Variants in DYNC1H1 observed in about 807,000 individuals in gnomAD.
DYNC1H1 encodes the protein cytoplasmic dynein 1 heavy chain 1.
DYNC1H1 carries 51 observed loss-of-function variants against 527.1 expected under a neutral mutation model. The observed-to-expected ratio is 0.10, with a 90% CI of 0.08 to 0.12. DYNC1H1 has a LOEUF of 0.12. Ranked by LOEUF, DYNC1H1 falls within the 10% of genes least tolerant of loss-of-function variation. The pLI is 1.00. For synonymous variants in DYNC1H1, 2,189 were observed against 2,278.8 expected, an observed-to-expected ratio of 0.96 and a Z score of 1.12; for missense variants, 2,771 against 5,971.8, an observed-to-expected ratio of 0.46 and a Z score of 17.66.
At position 102,001,094 on chromosome 14, in the gene DYNC1H1, T is replaced by C; in HGVS notation, c.4185+30T>C. 1 of 1,613,798 alleles carries C rather than the reference T, an allele frequency of 6.2e-7. No individual in the cohort carries two copies. The highest frequency in any genetic ancestry group is 2.2e-5 in the East Asian group (1 of 44,892). On this transcript the variant is annotated intron_variant, in intron 19 of 77. Coordinates refer to ENST00000360184, the MANE Select transcript of DYNC1H1 (RefSeq NM_001376.5). This position sits in a 1 kb window ranked among gnomAD's most constrained non-coding sequence, Gnocchi z 5.0. ...GTGGCCAGTATCGCACGGTGATGAG[T>C]GTCCATTAGAAACGCACCTGCACAG... is the stretch of plus-strand genomic sequence containing the variant.
At position 102,052,517 on chromosome 14, in the gene DYNC1H1, G is replaced by A. The variant is rs565482329; in HGVS notation, c.*1954G>A. 11 of 152,342 alleles carry A rather than the reference G, an allele frequency of 7.2e-5. No homozygotes were observed. The highest frequency in any genetic ancestry group is 1.5e-4 in the Non-Finnish European group (10 of 68,140). 9.4% of individuals were successfully genotyped at this position (152,342 alleles called of 1,614,324 possible). ...GGGCTGGGACCCCTTCCTGGACTGA[G>A]TCTGCTCACCTTGGATTAGGCCACC... On this transcript the variant is annotated 3_prime_UTR_variant, in exon 78 of 78. Coordinates refer to ENST00000360184, the MANE Select transcript of DYNC1H1 (RefSeq NM_001376.5).
In DYNC1H1 at chr14:101,985,417, C is replaced by T. The variant is rs1248362673; in HGVS notation, c.1462-270C>T. ...TTGGCTCACTGCAACCTCTGCCTCC[C>T]GGGTTCAAGCGATTCTCCTGTCTCA... On this transcript the variant is annotated intron_variant, in intron 7 of 77. Coordinates refer to ENST00000360184, the MANE Select transcript of DYNC1H1 (RefSeq NM_001376.5). The surrounding 1 kb of genome is among the most constrained non-coding windows in gnomAD (Gnocchi z 5.9). 1.3e-5 allele frequency among the ~76,000 whole-genome samples: 2 copies of T among 151,998 alleles called. No homozygotes were observed. Among genetic ancestry groups the T allele is most frequent in the Admixed American group, 6.6e-5 (1 of 15,250 alleles).
rs969860466 is a variant in DYNC1H1, at chr14:102,039,584, A to G, written c.11595+38A>G. The G allele has an allele frequency of 1.2e-6, 2 of 1,613,572 alleles. No homozygotes were observed. The highest frequency in any genetic ancestry group is 2.2e-5 in the South Asian group (2 of 91,050). On this transcript the variant is annotated intron_variant, in intron 61 of 77. Coordinates refer to ENST00000360184, the MANE Select transcript of DYNC1H1 (RefSeq NM_001376.5). The surrounding 1 kb of genome is among the most constrained non-coding windows in gnomAD (Gnocchi z 7.0). ...CCTCAGCCGCTCCCTGGCGGGGGGG[A>G]AGCAGGGTGCTGCTTCTCTTATGGA...
At position 102,011,870 on chromosome 14, in the gene DYNC1H1, T is replaced by G; in HGVS notation, c.6619-5T>G. 1 of 1,614,036 alleles carries G rather than the reference T, an allele frequency of 6.2e-7. No individual in the cohort carries two copies. Among genetic ancestry groups the G allele is most frequent in the Non-Finnish European group, 8.5e-7 (1 of 1,180,000 alleles). Reference sequence around the variant, plus strand: ...GTCACTGTGCTGGTCTGTTGGGCCCTGCAGGTTCTCCAGCTCTATCAGATC... The same window carrying G: ...GTCACTGTGCTGGTCTGTTGGGCCCGGCAGGTTCTCCAGCTCTATCAGATC... On this transcript the variant is annotated splice_region_variant and splice_polypyrimidine_tract_variant and intron_variant, in intron 32 of 77. Coordinates refer to ENST00000360184, the MANE Select transcript of DYNC1H1 (RefSeq NM_001376.5). This position sits in a 1 kb window ranked among gnomAD's most constrained non-coding sequence, Gnocchi z 5.3.
intron 1 of DYNC1H1, chr14:101,969,394 T>A (rs1025746229): frequency 6.5e-6 from 1 of 155,020 alleles, no homozygotes; most frequent in African/African-American, 2.4e-5. Context: ...TTCAGTTTAC[T>A]GTAATCCACA....
chr14:101,965,638 CTG>C lies in DYNC1H1; in HGVS notation c.256+692_256+693del, dbSNP rs949660924. ...TATCCTGATTTTACACCTGAGGAAA[CTG>C]AGGCTCAGGTTAAGTGATTTCACCC... On this transcript the variant is annotated intron_variant, in intron 1 of 77. Transcript: ENST00000360184. The surrounding 1 kb of genome is among the most constrained non-coding windows in gnomAD (Gnocchi z 4.1). Among the ~76,000 whole-genome samples, 4 of 152,056 alleles carry C rather than the reference CTG, an allele frequency of 2.6e-5. No homozygotes were observed. The highest frequency in any genetic ancestry group is 5.9e-5 in the Non-Finnish European group (4 of 68,022).
At chr14:102,021,650 CTTTTTCTT>C (rs2048385722) in intron 42 of DYNC1H1, among the ~76,000 whole-genome samples, 1 of 127,686 alleles carries the variant, frequency 7.8e-6, no homozygotes, top group Non-Finnish European at 1.6e-5. Flanking sequence ...TTTCTTTTTT[CTTTTTCTT>C]TTTTTTTTTT....
At position 102,041,551 on chromosome 14, in the gene DYNC1H1, C is replaced by A; in HGVS notation, c.11942-23C>A. Reference sequence around the variant, plus strand: ...CTGAGTCCATGCTTCCACCCAGCACCCACCCCTCTGTACCTGTTTCAGCAC... The same window carrying A: ...CTGAGTCCATGCTTCCACCCAGCACACACCCCTCTGTACCTGTTTCAGCAC... On this transcript the variant is annotated intron_variant, in intron 64 of 77. Coordinates refer to ENST00000360184, the MANE Select transcript of DYNC1H1 (RefSeq NM_001376.5). The surrounding 1 kb of genome is among the most constrained non-coding windows in gnomAD (Gnocchi z 4.5). 1.2e-6 allele frequency: 2 copies of A among 1,613,658 alleles called. No individual in the cohort carries two copies. The highest frequency in any genetic ancestry group is 1.7e-6 in the Non-Finnish European group (2 of 1,180,022).
intron 23 of DYNC1H1, among the ~76,000 whole-genome samples, chr14:102,004,087 A>C (rs1462387965): frequency 1.3e-5 from 2 of 150,216 alleles, no homozygotes; most frequent in Non-Finnish European, 3.0e-5. Context: ...TAAAAATACA[A>C]AAAAAAATTA....
At position 102,044,061 on chromosome 14, in the gene DYNC1H1, G is replaced by C. The variant is rs763549678; in HGVS notation, c.12684+16G>C. The C allele has an allele frequency of 6.0e-5, 96 of 1,612,972 alleles. No homozygotes were observed. The highest frequency in any genetic ancestry group is 7.7e-5 in the Non-Finnish European group (91 of 1,180,026). On this transcript the variant is annotated intron_variant, in intron 70 of 77. Coordinates refer to ENST00000360184, the MANE Select transcript of DYNC1H1 (RefSeq NM_001376.5). The surrounding 1 kb of genome is among the most constrained non-coding windows in gnomAD (Gnocchi z 7.1). ...CACGGCCAAGGCAAGTGTGGGCCAT[G>C]CCAGGACAGACAGTGGACGTGTATC... is the stretch of plus-strand genomic sequence containing the variant.
intron 16 of DYNC1H1, among the ~76,000 whole-genome samples, chr14:101,999,124 T>C (rs1595607779): frequency 6.6e-6 from 1 of 152,200 alleles, no homozygotes; most frequent in South Asian, 2.1e-4. Context: ...CCTCATGATC[T>C]GCCCACCTTG....
chr14:102,048,298 C>T (rs751186963), intron 73 of DYNC1H1: 39 of 733,094 alleles, frequency 5.3e-5, no homozygotes, highest in Non-Finnish European at 7.6e-5. Context: ...TAGAGAGCCC[C>T]GAGAGCTGCG....
chr14:101,974,685 C>T (rs1436587598), intron 1 of DYNC1H1, among the ~76,000 whole-genome samples: 2 of 152,092 alleles, frequency 1.3e-5, no homozygotes, highest in African/African-American at 4.8e-5. Flanking sequence ...TTCCAGTAAG[C>T]TTTTTTAAAC....
At position 102,018,458 on chromosome 14, in the gene DYNC1H1, C is replaced by T. The variant is rs2048350237; in HGVS notation, c.8185C>T (p.Arg2729Cys). 3 of 1,613,446 alleles carry T rather than the reference C, an allele frequency of 1.9e-6. No individual in the cohort carries two copies. Among genetic ancestry groups the T allele is most frequent in the East Asian group, 2.2e-5 (1 of 44,874 alleles). ...GGGGCTATCTGTGCACAGGTTCCTG[C>T]GCCACGTGCCTGTCGTGTATGTGGA... ...GRKPLSHRFLRHVPVVYVDYP... is the reference protein window; with the variant it reads ...GRKPLSHRFLCHVPVVYVDYP... The change falls in exon 41 of 78, where the codon CGC (arginine) becomes TGC (cysteine). Residue 2729 changes from arginine (R) to cysteine (C), a missense_variant. This residue lies in a region of DYNC1H1 where 163 missense variants were observed against 346.9 expected (regional missense o/e 0.47). Transcript: ENST00000360184. This position sits in a 1 kb window ranked among gnomAD's most constrained non-coding sequence, Gnocchi z 5.2.
chr14:102,025,662 C>A (rs2048441485), intron 43 of DYNC1H1, among the ~76,000 whole-genome samples: 1 of 151,012 alleles, frequency 6.6e-6, no homozygotes, highest in Non-Finnish European at 1.5e-5. Context: ...GTTTTCAGTT[C>A]TTTCCTTATG....
chr14:101,979,315 T>G lies in DYNC1H1; in HGVS notation c.345-4T>G, dbSNP rs1060504510. On this transcript the variant is annotated splice_polypyrimidine_tract_variant and splice_region_variant and intron_variant, in intron 2 of 77. Coordinates refer to ENST00000360184, the MANE Select transcript of DYNC1H1 (RefSeq NM_001376.5). The surrounding 1 kb of genome is among the most constrained non-coding windows in gnomAD (Gnocchi z 4.6). ...CTAATTTCTTGTTTTATTTTTCTTTTTAGCTTGGCATTCATTAAACGTACT... is the reference window on the plus strand; with the variant it reads ...CTAATTTCTTGTTTTATTTTTCTTTGTAGCTTGGCATTCATTAAACGTACT... 2.5e-6 allele frequency: 4 copies of G among 1,613,936 alleles called. No homozygotes were observed. The highest frequency in any genetic ancestry group is 1.3e-5 in the African/African-American group (1 of 74,936).
At chr14:102,007,861 C>G (rs1466103625) in intron 28 of DYNC1H1, among the ~76,000 whole-genome samples, 1 of 152,184 alleles carries the variant, frequency 6.6e-6, no homozygotes, top group South Asian at 2.1e-4. Flanking sequence ...AAGGTGCCAG[C>G]GGGGTTCAGT....
rs1555408227 is a variant in DYNC1H1 at position 101,984,431 on chromosome 14, G to GTA, written c.1461+836_1461+837dup. ...TGTGTGTGTGTGTGTGTGTGTGTGT[G>GTA]TATATATATATATATTATATTTTTT... On this transcript the variant is annotated intron_variant, in intron 7 of 77. Coordinates refer to ENST00000360184, the MANE Select transcript of DYNC1H1 (RefSeq NM_001376.5). 2.2e-3 allele frequency among the ~76,000 whole-genome samples: 182 copies of GTA among 82,786 alleles called. 1 individual carries two copies. Among genetic ancestry groups the GTA allele is most frequent in the African/African-American group, 6.1e-3 (143 of 23,512 alleles). 54.3% of individuals were successfully genotyped at this position (82,786 alleles called of 152,430 possible).
intron 72 of DYNC1H1, among the ~76,000 whole-genome samples, chr14:102,046,503 CGGGTCTGG>C (rs2048721373): frequency 7.5e-6 from 1 of 133,682 alleles, no homozygotes; most frequent in African/African-American, 2.8e-5. Flanking sequence ...GCGAGCTGGG[CGGGTCTGG>C]AGGGAGAGCC....
Sources: allele counts gnomAD v4.1 joint callset (sites outside exome capture counted in the v4.1 genomes callset), GRCh38; gene constraint gnomAD v4.1.1; regional missense constraint gnomAD v4.1.1; non-coding constraint Gnocchi (gnomAD v3.1); transcripts MANE v1.5; gene names NCBI Gene and HGNC (gene_info 2026-07-23, HGNC 2026-07-21).